Variants in SYNE1 observed in about 807,000 individuals in gnomAD.
The protein encoded by SYNE1 is spectrin repeat containing nuclear envelope protein 1.
SYNE1 carries 616 observed loss-of-function variants against 1,111.0 expected under a neutral mutation model. The ratio of observed to expected loss-of-function variants is 0.55; its 90% CI spans 0.52 to 0.59. SYNE1 has a LOEUF of 0.59. Among genes scored for constraint, SYNE1 ranks in the 20% least tolerant of loss-of-function variants. The pLI is 0.00. For synonymous variants in SYNE1, 3,855 were observed against 3,825.8 expected (o/e 1.01, Z -0.28); for missense variants, 10,006 against 10,417.0 (o/e 0.96, Z 1.72).
chr6:152,224,187 G>T (rs1003802353), intron 117 of SYNE1, among the ~76,000 whole-genome samples: 2 of 152,156 alleles, frequency 1.3e-5, no homozygotes, highest in Admixed American at 6.5e-5. Context: ...AAGACAAAAG[G>T]CAGTGACAAT....
At chr6:152,618,699 A>T (rs1157745749) in intron 3 of SYNE1, among the ~76,000 whole-genome samples, 1 of 152,248 alleles carries the variant, frequency 6.6e-6, no homozygotes, top group African/African-American at 2.4e-5. Flanking sequence ...GTTACCACAG[A>T]AACCATTTGT....
At chr6:152,221,399 A>T (rs376494227) in intron 118 of SYNE1, 27 bp downstream of exon 118, 9 of 1,611,974 alleles carry the variant, frequency 5.6e-6, no homozygotes, top group African/African-American at 1.3e-5. Context: ...TGATATAAAT[A>T]GTGTGTAAAG....
rs140903407 is a variant in SYNE1 at position 152,265,971 on chromosome 6, T to C, written c.18815+2085A>G. The stretch of plus-strand genomic sequence containing the variant: ...CTAGCAAGGTTTATATATATATACA[T>C]ATATATTTACTTTGGAATGTAGATA... On this transcript the variant is annotated intron_variant, in intron 100 of 145. Coordinates refer to ENST00000367255, the MANE Select transcript of SYNE1 (RefSeq NM_182961.4). Among the ~76,000 whole-genome samples, 226 of 152,210 alleles carry C rather than the reference T, an allele frequency of 1.5e-3. 1 individual carries two copies. The highest frequency in any genetic ancestry group is 5.2e-3 in the African/African-American group (216 of 41,538).
At chr6:152,448,402 T>A (rs2098612175) in intron 28 of SYNE1, among the ~76,000 whole-genome samples, 1 of 152,188 alleles carries the variant, frequency 6.6e-6, no homozygotes, top group African/African-American at 2.4e-5. Context: ...AAACTGTTGG[T>A]TCCAGACCCC....
At chr6:152,417,224 C>T (rs772421200) in intron 40 of SYNE1, among the ~76,000 whole-genome samples, 82 of 152,242 alleles carry the variant, frequency 5.4e-4, no homozygotes, top group Non-Finnish European at 8.8e-4. Context: ...CTGGGCCAGG[C>T]GCGGTGGCTC....
Position 152,330,802 on chromosome 6 carries a change from G to A in SYNE1, c.13883C>T (p.Thr4628Ile). 2 of 1,613,832 alleles carry A rather than the reference G, an allele frequency of 1.2e-6. No homozygotes were observed. The highest frequency in any genetic ancestry group is 8.5e-7 in the Non-Finnish European group (1 of 1,180,038). Residue 4628 changes from threonine (T) to isoleucine (I), a missense_variant, in exon 78 of 146, where the codon ACC becomes ATC. This residue lies in a region of SYNE1 where 4,955 missense variants were observed against 5,017.2 expected (regional missense o/e 0.99). Transcript: ENST00000367255. ...LLLTLQRTGQ[T>I]ILPSLNEVDH... ...GACTTCATTCAGCGATGGTAATATG[G>A]TCTGCCCAGTTCTCTGCAGCGTAAG...
chr6:152,243,709 C>T (rs1436107775), intron 106 of SYNE1, among the ~76,000 whole-genome samples: 1 of 152,142 alleles, frequency 6.6e-6, no homozygotes, highest in African/African-American at 2.4e-5. Context: ...ATTTTATTTT[C>T]TCAAAGAAAG....
At chr6:152,435,297 T>A (rs183400706) in intron 33 of SYNE1, 2 of 152,140 alleles carry the variant, frequency 1.3e-5, no homozygotes, top group South Asian at 4.1e-4. Flanking sequence ...TTGAATAATA[T>A]TGGCTGTATC....
chr6:152,447,989 AGAT>A (rs1229729726), intron 28 of SYNE1, among the ~76,000 whole-genome samples: 13 of 152,348 alleles, frequency 8.5e-5, no homozygotes, highest in Middle Eastern at 3.4e-3. Context: ...GCTGGAAAGA[AGAT>A]GATATTTTGT....
chr6:152,264,887 T>C (rs2092515855), intron 100 of SYNE1, among the ~76,000 whole-genome samples: 1 of 151,728 alleles, frequency 6.6e-6, no homozygotes, highest in Non-Finnish European at 1.5e-5. Flanking sequence ...GAGAGACATG[T>C]AGGAAGTTAA....
At chr6:152,256,535 A>C in intron 102 of SYNE1, 99 bp downstream of exon 102, 1 of 1,523,410 alleles carries the variant, frequency 6.6e-7, no homozygotes, top group East Asian at 2.4e-5. Context: ...TCTCATGCTC[A>C]GGGGTGGATG....
chr6:152,124,193 T>C (rs920536845), intron 145 of SYNE1, among the ~76,000 whole-genome samples: 15 of 152,010 alleles, frequency 9.9e-5, no homozygotes, highest in Non-Finnish European at 2.1e-4. Context: ...GTAGTCCCAG[T>C]CACTTGGGAG....
rs1563109926 is a variant in SYNE1 at position 152,329,831 on chromosome 6, ACTT to A, written c.14851_14853del (p.Lys4951del). 1 of 1,614,130 alleles carries A rather than the reference ACTT, an allele frequency of 6.2e-7. No homozygotes were observed. Among genetic ancestry groups the A allele is most frequent in the South Asian group, 1.1e-5 (1 of 91,076 alleles). ...GAAATCAGCTCCTTGGCCTTTGTGA[ACTT>A]CTCCTTTTCCTTGTGACTCAGCGCA... On this transcript the variant is annotated inframe_deletion, in exon 78 of 146. Coordinates refer to ENST00000367255, the MANE Select transcript of SYNE1 (RefSeq NM_182961.4).
chr6:152,485,222 T>C (rs1442455180), intron 12 of SYNE1, among the ~76,000 whole-genome samples: 2 of 152,198 alleles, frequency 1.3e-5, no homozygotes, highest in African/African-American at 2.4e-5. Context: ...ACATGCATTA[T>C]TATTCTGAAG....
chr6:152,447,583 T>C lies in SYNE1; in HGVS notation c.3544A>G (p.Ser1182Gly), dbSNP rs776990234. Reference sequence around the variant, plus strand: ...ACTTTCAGCCTGGATTTCAGCCAGCTGAGGGTCTCACCCCTTTTGGTAACA... The same window carrying C: ...ACTTTCAGCCTGGATTTCAGCCAGCCGAGGGTCTCACCCCTTTTGGTAACA... Reference protein sequence around the residue: ...NGVTKRGETLSWLKSRLKVLT... With the variant: ...NGVTKRGETLGWLKSRLKVLT... Residue 1182 changes from serine to glycine, a missense_variant, in exon 29 of 146, where the codon AGC becomes GGC. Transcript: ENST00000367255. 13 of 1,614,128 alleles carry C rather than the reference T, an allele frequency of 8.1e-6. No individual in the cohort carries two copies. In the African/African-American group the frequency reaches 1.6e-4, roughly 20 times the overall value.
intron 145 of SYNE1, among the ~76,000 whole-genome samples, chr6:152,123,946 G>A (rs1317806994): frequency 6.6e-6 from 1 of 152,192 alleles, no homozygotes; most frequent in African/African-American, 2.4e-5. Context: ...TGACACCTAA[G>A]AAAATAAATG....
chr6:152,344,657 G>C (rs2096599647), intron 73 of SYNE1, among the ~76,000 whole-genome samples: 1 of 152,122 alleles, frequency 6.6e-6, no homozygotes, highest in Non-Finnish European at 1.5e-5. Context: ...GATAACCAAT[G>C]TTTCTCTAAC....
chr6:152,590,064 G>C (rs909255704), intron 3 of SYNE1, among the ~76,000 whole-genome samples: 5 of 151,044 alleles, frequency 3.3e-5, no homozygotes, highest in African/African-American at 1.2e-4. Flanking sequence ...CTCAGGAGTA[G>C]CTGGGACTAC....
chr6:152,610,178 T>C (rs929453225), intron 3 of SYNE1, among the ~76,000 whole-genome samples: 2 of 152,138 alleles, frequency 1.3e-5, no homozygotes, highest in African/African-American at 4.8e-5. Context: ...TTCAGAAGGT[T>C]GGTAATAACA....
Sources: gnomAD v4.1 joint callset for allele counts (sites outside exome capture counted in the v4.1 genomes callset) on GRCh38, gnomAD v4.1.1 for gene constraint, gnomAD v4.1.1 regional missense constraint, MANE v1.5 for transcripts, NCBI Gene and HGNC (gene_info 2026-07-23, HGNC 2026-07-21) for gene names.